Variants in RBM39 observed in about 807,000 individuals in gnomAD.
RBM39 encodes RNA-binding protein 39.
Under a neutral mutation model 79.6 loss-of-function variants are expected in RBM39, and 12 were observed. The observed-to-expected ratio is 0.15, with a 90% CI of 0.10 to 0.24. RBM39 has a LOEUF of 0.24. Ranked by LOEUF, RBM39 falls within the 10% of genes least tolerant of loss-of-function variation. The pLI is 1.00. For synonymous variants in RBM39, 185 were observed against 208.4 expected (o/e 0.89, Z 0.97); for missense variants, 243 against 653.4 (o/e 0.37, Z 6.85).
intron 9 of RBM39, among the ~76,000 whole-genome samples, chr20:35,718,951 A>G (rs1264667166): frequency 6.6e-6 from 1 of 152,080 alleles, no homozygotes; most frequent in Non-Finnish European, 1.5e-5. Flanking sequence ...CCTGGGTGAC[A>G]GCGCAGGACT....
Position 35,714,164 on chromosome 20 carries a change from G to A in RBM39, c.1096+21C>T, listed in dbSNP as rs761324477. 20 of 1,606,006 alleles carry A rather than the reference G, an allele frequency of 1.2e-5. No homozygotes were observed. In the Admixed American group the frequency reaches 1.7e-4, roughly 13 times the overall value. On this transcript the variant is annotated intron_variant, in intron 11 of 16. Transcript: ENST00000253363. The stretch of plus-strand genomic sequence containing the variant: ...CTACAATACCCACAGTAAATCATTC[G>A]TAATAGCAAGAAACACTTACCCTCT...
intron 3 of RBM39, among the ~76,000 whole-genome samples, chr20:35,737,600 C>T (rs1311141535): frequency 6.6e-6 from 1 of 151,506 alleles, no homozygotes; most frequent in East Asian, 2.0e-4. Flanking sequence ...CGGTGGCTCA[C>T]ACCTGTAATC....
At chr20:35,721,592 CTA>C (rs1353408928) in intron 9 of RBM39, 146 bp downstream of exon 9, 5 of 836,012 alleles carry the variant, frequency 6.0e-6, no homozygotes, top group Non-Finnish European at 7.2e-6. Context: ...CTATTTTAAT[CTA>C]TGTTGTCACA....
chr20:35,719,468 G>A (rs531120410), intron 9 of RBM39, among the ~76,000 whole-genome samples: 1 of 152,138 alleles, frequency 6.6e-6, no homozygotes, highest in Non-Finnish European at 1.5e-5. Flanking sequence ...TTGGGACACC[G>A]AGGCGGGTAG....
At chr20:35,714,514 T>C (rs2036857801) in intron 10 of RBM39, 125 bp from the exon 11 acceptor site, 4 of 1,322,736 alleles carry the variant, frequency 3.0e-6, no homozygotes, top group Non-Finnish European at 3.0e-6. Context: ...AGGTAGAAAC[T>C]GCAAGCTGTA....
At chr20:35,722,683 T>C (rs1342961107) in intron 8 of RBM39, among the ~76,000 whole-genome samples, 1 of 151,668 alleles carries the variant, frequency 6.6e-6, no homozygotes, top group Admixed American at 6.6e-5. Context: ...CCTGTAATCC[T>C]AGCACTTTGG....
intron 3 of RBM39, chr20:35,736,399 A>G: frequency 3.4e-6 from 1 of 296,720 alleles, no homozygotes; most frequent in South Asian, 3.2e-5. Flanking sequence ...TATCATTTTT[A>G]ATCCATTACC....
chr20:35,705,124 T>G, intron 15 of RBM39, 101 bp downstream of exon 15: 1 of 740,934 alleles, frequency 1.3e-6, no homozygotes, highest in Non-Finnish European at 2.2e-6. Flanking sequence ...ACACAAAAAC[T>G]ATAATGGAAG....
chr20:35,719,766 T>C (rs2037669826), intron 9 of RBM39, among the ~76,000 whole-genome samples: 1 of 152,228 alleles, frequency 6.6e-6, no homozygotes, highest in African/African-American at 2.4e-5. Flanking sequence ...AATTTTTATA[T>C]GGTACACAGA....
At chr20:35,704,782 C>T in intron 15 of RBM39, 36 bp from the exon 16 acceptor site, 1 of 1,587,574 alleles carries the variant, frequency 6.3e-7, no homozygotes, top group South Asian at 1.1e-5. Flanking sequence ...AAAGATGTTG[C>T]TGTATGCAAA....
At chr20:35,714,565 G>A (rs1420628127) in intron 10 of RBM39, among the ~76,000 whole-genome samples, 176 bp from the exon 11 acceptor site, 1 of 152,102 alleles carries the variant, frequency 6.6e-6, no homozygotes, top group East Asian at 1.9e-4. Flanking sequence ...GCTAGCTAAC[G>A]CAAATTAGGC....
chr20:35,704,775 G>C (rs1387916029), intron 15 of RBM39, 29 bp from the exon 16 acceptor site: 1 of 1,599,114 alleles, frequency 6.3e-7, no homozygotes, highest in Non-Finnish European at 8.5e-7. Context: ...AAAAGGTAAA[G>C]ATGTTGCTGT....
intron 13 of RBM39, 94 bp downstream of exon 13, chr20:35,709,130 G>T: frequency 1.7e-6 from 2 of 1,168,128 alleles, no homozygotes; most frequent in East Asian, 2.4e-5. Flanking sequence ...CAAATTACTG[G>T]TATAAAAATA....
intron 6 of RBM39, among the ~76,000 whole-genome samples, chr20:35,728,602 C>T (rs894450928): frequency 6.6e-6 from 1 of 151,934 alleles, no homozygotes; most frequent in Non-Finnish European, 1.5e-5. Flanking sequence ...CATGGTGAAA[C>T]CCCGTCTCTA....
At chr20:35,731,868 C>G in intron 4 of RBM39, 73 bp downstream of exon 4, 1 of 1,310,016 alleles carries the variant, frequency 7.6e-7, no homozygotes, top group South Asian at 1.3e-5. Flanking sequence ...CAATTCAAAT[C>G]ACTCAAGTTA....
At chr20:35,718,572 G>T (rs1344864802) in intron 9 of RBM39, among the ~76,000 whole-genome samples, 1 of 151,982 alleles carries the variant, frequency 6.6e-6, no homozygotes, top group Non-Finnish European at 1.5e-5. Context: ...ACCACTTTGG[G>T]AGGCCGAGGA....
chr20:35,724,477 A>G, intron 8 of RBM39, 93 bp downstream of exon 8: 1 of 1,182,208 alleles, frequency 8.5e-7, no homozygotes, highest in Non-Finnish European at 1.1e-6. Context: ...CAACGTAATG[A>G]GCAGCAGTCA....
intron 11 of RBM39, 96 bp downstream of exon 11, chr20:35,714,084 AATAAG>A: frequency 2.5e-6 from 3 of 1,218,802 alleles, no homozygotes; most frequent in Middle Eastern, 2.9e-4. Context: ...CCAACTACAA[AATAAG>A]ATAAAATCTT....
chr20:35,741,925 C>G lies in RBM39; in HGVS notation c.-14+16G>C, dbSNP rs751075654. ...GAGAAAGCTGAGATAATACGCGGGT[C>G]CGCAACGCCCCGTACCTGTTCCGGC... On this transcript the variant is annotated intron_variant, in intron 1 of 16. Transcript: ENST00000253363. 5.7e-6 allele frequency: 1 copy of G among 176,982 alleles called. No homozygotes were observed. Among genetic ancestry groups the G allele is most frequent in the Non-Finnish European group, 1.2e-5 (1 of 80,898 alleles). 11.0% of individuals were successfully genotyped at this position (176,982 alleles called of 1,614,324 possible).
Sources: gnomAD v4.1 joint callset for allele counts (sites outside exome capture counted in the v4.1 genomes callset) on GRCh38, gnomAD v4.1.1 for gene constraint, MANE v1.5 for transcripts, NCBI Gene and HGNC (gene_info 2026-07-23, HGNC 2026-07-21) for gene names.